The following HTR4 variants were observed in gnomAD, a reference collection of about 807,000 sequenced individuals.
HTR4 encodes the protein 5-hydroxytryptamine (serotonin) receptor 4, G protein-coupled.
In HTR4, 16 loss-of-function variants were observed where a neutral mutation model predicts 36.8. The observed-to-expected ratio is 0.43, with a 90% CI of 0.29 to 0.66. HTR4 has a LOEUF of 0.66. Among genes scored for constraint, HTR4 ranks in the 30% least tolerant of loss-of-function variants. The pLI is 0.13. For missense variants in HTR4, 438 were observed against 490.9 expected (o/e 0.89, Z 1.02); for synonymous variants, 189 against 185.1 (o/e 1.02, Z -0.17).
chr5:148,652,769 C>T (rs543429582), intron 1 of HTR4, among the ~76,000 whole-genome samples: 2 of 152,116 alleles, frequency 1.3e-5, no homozygotes. Flanking sequence ...AGGATATTTC[C>T]CACAGGAGGG....
At chr5:148,539,703 T>C (rs1165730455) in intron 4 of HTR4, among the ~76,000 whole-genome samples, 1 of 152,178 alleles carries the variant, frequency 6.6e-6, no homozygotes, top group African/African-American at 2.4e-5. Context: ...ATGGCTATTA[T>C]TGAAAAGTCA....
At chr5:148,465,561 C>G (rs572867752) in intron 5 of HTR4, among the ~76,000 whole-genome samples, 1 of 152,208 alleles carries the variant, frequency 6.6e-6, no homozygotes, top group Non-Finnish European at 1.5e-5. Context: ...CACAGTTATA[C>G]TGGGTGATTT....
intron 2 of HTR4, among the ~76,000 whole-genome samples, chr5:148,594,310 A>T (rs531870313): frequency 6.6e-6 from 1 of 151,910 alleles, no homozygotes; most frequent in African/African-American, 2.4e-5. Flanking sequence ...GTTGAGATCA[A>T]TAAGTTCTTT....
At chr5:148,563,448 C>T (rs1341977555) in intron 2 of HTR4, among the ~76,000 whole-genome samples, 2 of 152,174 alleles carry the variant, frequency 1.3e-5, no homozygotes, top group African/African-American at 4.8e-5. Flanking sequence ...TTTACGCTCC[C>T]ACACACACTA....
chr5:148,457,568 T>C (rs1364232595), intron 5 of HTR4, among the ~76,000 whole-genome samples: 2 of 151,282 alleles, frequency 1.3e-5, no homozygotes, highest in East Asian at 1.9e-4. Context: ...TGCAAGGCAG[T>C]GTTCACAAAG....
intron 1 of HTR4, among the ~76,000 whole-genome samples, chr5:148,652,287 T>C (rs1230184464): frequency 6.6e-6 from 1 of 152,208 alleles, no homozygotes; most frequent in Non-Finnish European, 1.5e-5. Context: ...ATGAAAACTA[T>C]GGCAGCTACT....
chr5:148,499,028 T>C (rs1036805595), intron 6 of HTR4, among the ~76,000 whole-genome samples: 1 of 152,324 alleles, frequency 6.6e-6, no homozygotes. Context: ...CATGGAAAGT[T>C]GTAATCTTAA....
At chr5:148,521,372 C>T (rs995080716) in intron 5 of HTR4, among the ~76,000 whole-genome samples, 1 of 152,080 alleles carries the variant, frequency 6.6e-6, no homozygotes, top group Admixed American at 6.6e-5. Flanking sequence ...GACTGCCTTT[C>T]CCAATGCAGG....
intron 1 of HTR4, among the ~76,000 whole-genome samples, chr5:148,650,730 C>A (rs912827049): frequency 6.6e-6 from 1 of 152,182 alleles, no homozygotes; most frequent in Non-Finnish European, 1.5e-5. Flanking sequence ...AACACTGCCA[C>A]CACCCCTTTC....
chr5:148,571,698 T>A (rs556339942), intron 2 of HTR4, among the ~76,000 whole-genome samples: 1 of 152,116 alleles, frequency 6.6e-6, no homozygotes, highest in Non-Finnish European at 1.5e-5. Context: ...TCTAAATGAA[T>A]GCACTGGAGT....
rs1758107658 is a variant in HTR4 at position 148,523,254 on chromosome 5, G to A, written c.446C>T (p.Pro149Leu). The A allele has an allele frequency of 1.9e-6, 3 of 1,613,342 alleles. No individual in the cohort carries two copies. Among genetic ancestry groups the A allele is most frequent in the African/African-American group, 2.7e-5 (2 of 74,832 alleles). Residue 149 changes from proline (P) to leucine (L), a missense_variant, in exon 5 of 7, where the codon CCC (proline) becomes CTC (leucine). Physicochemically the swap from Pro to Leu is moderately conservative, Grantham distance 98. Coordinates refer to ENST00000377888, the MANE Select transcript of HTR4 (RefSeq NM_000870.7). ...TATAGGGAGAAAAGAAATAAACGTGGGGATGACCCAGCAGCCTCCCAGCAT... is the reference window on the plus strand; with the variant it reads ...TATAGGGAGAAAAGAAATAAACGTGAGGATGACCCAGCAGCCTCCCAGCAT... ...ALMLGGCWVIPTFISFLPIMQ... is the reference protein window; with the variant it reads ...ALMLGGCWVILTFISFLPIMQ...
intron 2 of HTR4, among the ~76,000 whole-genome samples, chr5:148,596,800 G>T (rs183972119): frequency 1.3e-5 from 2 of 150,370 alleles, no homozygotes; most frequent in East Asian, 3.9e-4. Flanking sequence ...CATTCATTCT[G>T]CATATATTTT....
At chr5:148,517,707 T>C (rs1178586477) in intron 5 of HTR4, among the ~76,000 whole-genome samples, 1 of 152,176 alleles carries the variant, frequency 6.6e-6, no homozygotes, top group Admixed American at 6.5e-5. Context: ...TCTCGATTGT[T>C]ATCACTGAGG....
rs368959190 is a variant in HTR4 at position 148,648,042 on chromosome 5, TAGAC to T, written c.-48+6016_-48+6019del. 2.2e-4 allele frequency among the ~76,000 whole-genome samples: 34 copies of T among 152,316 alleles called. No homozygotes were observed. The East Asian group carries it at 5.4e-3, about 24-fold the overall frequency. ...TCCAAAGAATGGATTGGTGAATAGATAGACAGAAATATGACAAAGCAACTGTGGT... is the reference window on the plus strand; with the variant it reads ...TCCAAAGAATGGATTGGTGAATAGATAGAAATATGACAAAGCAACTGTGGT... On this transcript the variant is annotated intron_variant, in intron 1 of 6. Coordinates refer to ENST00000377888, the MANE Select transcript of HTR4 (RefSeq NM_000870.7).
chr5:148,614,090 A>T (rs1752558372), intron 2 of HTR4, among the ~76,000 whole-genome samples: 2 of 152,128 alleles, frequency 1.3e-5, no homozygotes, highest in South Asian at 4.1e-4. Context: ...CAATATCGTG[A>T]AAATGGCCAT....
chr5:148,635,409 T>G (rs930460494), intron 2 of HTR4, among the ~76,000 whole-genome samples: 1 of 152,054 alleles, frequency 6.6e-6, no homozygotes, highest in East Asian at 1.9e-4. Flanking sequence ...TGGGATCTGG[T>G]TAGAAAACTG....
intron 5 of HTR4, among the ~76,000 whole-genome samples, chr5:148,511,397 T>A (rs1757491305): frequency 6.6e-6 from 1 of 152,170 alleles, no homozygotes; most frequent in African/African-American, 2.4e-5. Context: ...GTTTTCCAAC[T>A]AAGTATCAAT....
At chr5:148,536,998 C>T (rs1349785604) in intron 4 of HTR4, among the ~76,000 whole-genome samples, 1 of 152,166 alleles carries the variant, frequency 6.6e-6, no homozygotes, top group African/African-American at 2.4e-5. Flanking sequence ...ATAAAACAAT[C>T]CTCAACAAAT....
At chr5:148,496,601 A>C (rs1756696038) in intron 6 of HTR4, among the ~76,000 whole-genome samples, 1 of 152,218 alleles carries the variant, frequency 6.6e-6, no homozygotes, top group African/African-American at 2.4e-5. Flanking sequence ...AGGGTTAGTG[A>C]GTAGAAGCCA....
Sources: gnomAD v4.1 joint callset for allele counts (sites outside exome capture counted in the v4.1 genomes callset) on GRCh38, gnomAD v4.1.1 for gene constraint, MANE v1.5 for transcripts, NCBI Gene and HGNC (gene_info 2026-07-23, HGNC 2026-07-21) for gene names.